The following SLC1A4 variants were observed in gnomAD, a reference collection of about 807,000 sequenced individuals.
SLC1A4 encodes neutral amino acid transporter A.
In SLC1A4, 19 loss-of-function variants were observed where a neutral mutation model predicts 37.7. The observed-to-expected ratio is 0.50, with a 90% CI of 0.35 to 0.74. The LOEUF is 0.74. SLC1A4 is among the 30% of genes least tolerant of loss of function. The pLI is 0.01. For synonymous variants in SLC1A4, 299 were observed against 309.8 expected (o/e 0.97, Z 0.37); for missense variants, 570 against 712.9 (o/e 0.80, Z 2.28).
chr2:65,000,580 T>C (rs1316422740), intron 1 of SLC1A4: 2 of 152,236 alleles, frequency 1.3e-5, no homozygotes, highest in Non-Finnish European at 2.9e-5. Context: ...CAATTTGCAC[T>C]GGTGGTGTGA....
intron 1 of SLC1A4, among the ~76,000 whole-genome samples, chr2:64,992,882 C>T (rs1427515959): frequency 6.6e-6 from 1 of 152,172 alleles, no homozygotes; most frequent in Middle Eastern, 3.2e-3. Flanking sequence ...ATGTGTGCAC[C>T]GCTGAGGTTT....
intron 4 of SLC1A4, chr2:65,011,274 C>CT: frequency 1.3e-5 from 2 of 152,332 alleles, no homozygotes; most frequent in South Asian, 2.1e-4. Context: ...TTTATGTAGG[C>CT]TTTTTTTCTG....
intron 3 of SLC1A4, among the ~76,000 whole-genome samples, chr2:65,007,233 AACATTAAAGC>A (rs1414909030): frequency 6.6e-6 from 1 of 151,878 alleles, no homozygotes; most frequent in Non-Finnish European, 1.5e-5. Context: ...CACCAAGAAG[AACATTAAAGC>A]AGGGCAAATA....
In SLC1A4 at chr2:64,989,961, T is replaced by A. The variant is rs1199961512; in HGVS notation, c.318T>A (p.Asp106Glu). The change falls in exon 1 of 8, where the codon GAT becomes GAA. Residue 106 changes from aspartate to glutamate, a missense_variant. Transcript: ENST00000234256. Reference sequence around the variant, plus strand: ...TGGTGTCGGGCGCCGCCTCGCTCGATGCCAGCTGCCTCGGGCGTCTGGGCG... The same window carrying A: ...TGGTGTCGGGCGCCGCCTCGCTCGAAGCCAGCTGCCTCGGGCGTCTGGGCG... ...CSLVSGAASL[D>E]ASCLGRLGGI... 1 of 1,578,488 alleles carries A rather than the reference T, an allele frequency of 6.3e-7. No homozygotes were observed. The highest frequency in any genetic ancestry group is 1.8e-5 in the Admixed American group (1 of 55,410).
intron 4 of SLC1A4, among the ~76,000 whole-genome samples, chr2:65,011,783 C>G (rs1673929957): frequency 1.3e-5 from 2 of 152,042 alleles, no homozygotes; most frequent in African/African-American, 2.4e-5. Flanking sequence ...TAATGTTTTT[C>G]TTTGAGACGG....
At chr2:64,996,130 C>G (rs963011783) in intron 1 of SLC1A4, among the ~76,000 whole-genome samples, 1 of 152,136 alleles carries the variant, frequency 6.6e-6, no homozygotes. Context: ...AGGTTTCACA[C>G]GTTTTTAATT....
chr2:64,989,638 A>G lies in SLC1A4; in HGVS notation c.-6A>G. The stretch of plus-strand genomic sequence containing the variant: ...CCACCTCTAGCTCGGAGCGGCGTGT[A>G]GCGCCATGGAGAAGAGCAACGAGAC... On this transcript the variant is annotated 5_prime_UTR_variant, in exon 1 of 8. Coordinates refer to ENST00000234256, the MANE Select transcript of SLC1A4 (RefSeq NM_003038.5). 6.6e-7 allele frequency: 1 copy of G among 1,506,822 alleles called. No homozygotes were observed. The highest frequency in any genetic ancestry group is 8.8e-7 in the Non-Finnish European group (1 of 1,136,002). 93.3% of individuals were successfully genotyped at this position (1,506,822 alleles called of 1,614,324 possible).
intron 1 of SLC1A4, among the ~76,000 whole-genome samples, chr2:64,993,144 G>T (rs7570684): frequency 6.6e-6 from 1 of 152,092 alleles, no homozygotes; most frequent in Non-Finnish European, 1.5e-5. Context: ...AGGCCCTCTC[G>T]AGGTAGCTGC....
chr2:65,015,693 G>A lies in SLC1A4; in HGVS notation c.801-747G>A, dbSNP rs575207932. ...TGGGTGCTTGGGAGAGAGATGAGAGGGAGACTTCACTCTGTTCACTCTTTT... is the reference window on the plus strand; with the variant it reads ...TGGGTGCTTGGGAGAGAGATGAGAGAGAGACTTCACTCTGTTCACTCTTTT... On this transcript the variant is annotated intron_variant, in intron 4 of 7. Transcript: ENST00000234256. Among the ~76,000 whole-genome samples, 9 of 152,264 alleles carry A rather than the reference G, an allele frequency of 5.9e-5. 1 individual carries two copies. The South Asian group carries it at 1.9e-3, about 32-fold the overall frequency.
Position 65,010,608 on chromosome 2 carries a change from C to G in SLC1A4, c.645C>G (p.Gly215=), listed in dbSNP as rs767862532. The change falls in exon 4 of 8, where the codon GGC becomes GGG. Residue 215 remains glycine, a synonymous_variant. Transcript: ENST00000234256. ...GNVTHEKIPI[G]TEIEGMNILG... ...CTCTGATCCTGCAGATCCCCATAGG[C>G]ACTGAGATAGAAGGGATGAACATTT... 1 of 1,609,804 alleles carries G rather than the reference C, an allele frequency of 6.2e-7. No individual in the cohort carries two copies. The highest frequency in any genetic ancestry group is 2.2e-5 in the East Asian group (1 of 44,816).
intron 3 of SLC1A4, among the ~76,000 whole-genome samples, chr2:65,010,170 G>A (rs1230330774): frequency 6.6e-6 from 1 of 152,174 alleles, no homozygotes; most frequent in Non-Finnish European, 1.5e-5. Context: ...GACTTCAGGT[G>A]ATCCACTCGC....
At chr2:65,020,852 T>C (rs1674389099) in intron 7 of SLC1A4, 60 bp from the exon 8 acceptor site, 3 of 1,423,832 alleles carry the variant, frequency 2.1e-6, no homozygotes, top group Non-Finnish European at 3.0e-6. Flanking sequence ...CCAGGCTGCC[T>C]GTGACAGGAC....
intron 1 of SLC1A4, among the ~76,000 whole-genome samples, chr2:64,990,855 G>A (rs1558511119): frequency 6.6e-6 from 1 of 152,198 alleles, no homozygotes; most frequent in Non-Finnish European, 1.5e-5. Context: ...TTCTAGAGGG[G>A]AGGGAGAGAA....
intron 1 of SLC1A4, among the ~76,000 whole-genome samples, chr2:64,998,738 G>T (rs1673360558): frequency 6.6e-6 from 1 of 152,188 alleles, no homozygotes; most frequent in African/African-American, 2.4e-5. Context: ...CAGATAGACA[G>T]AATTAAACAA....
At chr2:65,002,044 C>T (rs989447046) in intron 2 of SLC1A4, among the ~76,000 whole-genome samples, 2 of 152,142 alleles carry the variant, frequency 1.3e-5, no homozygotes, top group Admixed American at 1.3e-4. Context: ...CTTTGGGAGG[C>T]CAAGGTGGGT....
At position 65,023,487 on chromosome 2, in the gene SLC1A4, A is replaced by G. The variant is rs977853224; in HGVS notation, c.*2341A>G. Reference sequence around the variant, plus strand: ...AAAGATGAATTTCACAAAGCCATAAAGCGTGAAATTAGAGCTGGACTTAAG... The same window carrying G: ...AAAGATGAATTTCACAAAGCCATAAGGCGTGAAATTAGAGCTGGACTTAAG... On this transcript the variant is annotated 3_prime_UTR_variant, in exon 8 of 8. Coordinates refer to ENST00000234256, the MANE Select transcript of SLC1A4 (RefSeq NM_003038.5). The G allele has an allele frequency of 6.6e-6, 1 of 152,268 alleles. No individual in the cohort carries two copies. The highest frequency in any genetic ancestry group is 1.5e-5 in the Non-Finnish European group (1 of 68,052). 9.4% of individuals were successfully genotyped at this position (152,268 alleles called of 1,614,324 possible).
Position 65,016,466 on chromosome 2 carries a change from T to C in SLC1A4, c.827T>C (p.Leu276Pro), listed in dbSNP as rs1372462390. Residue 276 changes from leucine to proline, a missense_variant, in exon 5 of 8, where the codon CTT (leucine) becomes CCT (proline). Physicochemically the swap from Leu to Pro is moderately conservative, Grantham distance 98. Coordinates refer to ENST00000234256, the MANE Select transcript of SLC1A4 (RefSeq NM_003038.5). ...TACGTACCTGTGGGCATCATGTTCC[T>C]TGTTGGAAGCAAGATCGTGGAAATG... ...MWYVPVGIMFLVGSKIVEMKD... is the reference protein window; with the variant it reads ...MWYVPVGIMFPVGSKIVEMKD... 2 of 1,614,198 alleles carry C rather than the reference T, an allele frequency of 1.2e-6. No homozygotes were observed. The highest frequency in any genetic ancestry group is 8.5e-7 in the Non-Finnish European group (1 of 1,180,018).
chr2:65,021,059 G>A lies in SLC1A4; in HGVS notation c.1512G>A (p.Glu504=). The change falls in exon 8 of 8, where the codon GAG becomes GAA. Residue 504 remains glutamate, a synonymous_variant. Coordinates refer to ENST00000234256, the MANE Select transcript of SLC1A4 (RefSeq NM_003038.5). ...VEAIPNCKSE[E]ETSPLVTHQN... is the part of the protein sequence containing the mutation. ...CCATCCCCAACTGCAAGTCTGAGGA[G>A]GAGACATCGCCCCTGGTGACACACC... The A allele has an allele frequency of 6.2e-7, 1 of 1,614,236 alleles. No homozygotes were observed. The highest frequency in any genetic ancestry group is 2.2e-5 in the East Asian group (1 of 44,892).
chr2:64,988,879 C>G (rs138651435), upstream of SLC1A4, among the ~76,000 whole-genome samples: 2 of 151,876 alleles, frequency 1.3e-5, no homozygotes, highest in East Asian at 3.9e-4. Context: ...GCGGGCCGCG[C>G]GGGGCGAAAG....
Sources: gnomAD v4.1 joint callset for allele counts (sites outside exome capture counted in the v4.1 genomes callset) on GRCh38, gnomAD v4.1.1 for gene constraint, MANE v1.5 for transcripts, NCBI Gene and HGNC (gene_info 2026-07-23, HGNC 2026-07-21) for gene names.